The following RAB2B variants were observed in gnomAD, a reference collection of about 807,000 sequenced individuals.
The protein encoded by RAB2B is RAB2B, member RAS oncogene family.
A neutral mutation model predicts 29.8 loss-of-function variants in RAB2B; 20 were observed. That is an observed-to-expected ratio of 0.67 (90% CI 0.47 to 0.97). The LOEUF (loss-of-function observed/expected upper bound fraction) is 0.97, where lower values mean the gene tolerates loss of function less well. Ranked by LOEUF, RAB2B falls within the 50% of genes least tolerant of loss-of-function variation. The probability of loss-of-function intolerance (pLI) is 0.00; values close to 1 mark genes in which losing one functional copy is unlikely to be tolerated. For synonymous variants in RAB2B, 93 were observed against 91.7 expected, an observed-to-expected ratio of 1.01 and a Z score of -0.08; for missense variants, 218 against 272.0, an observed-to-expected ratio of 0.80 and a Z score of 1.40.
At position 21,460,499 on chromosome 14, in the gene RAB2B, T is replaced by C. The variant is rs1890519119; in HGVS notation, c.*697A>G. ...ACTCGGGAGGTTGAGGCAGGAGAACTGCTTGAACCTGGAAAGTGGAGGTTG... is the reference window on the plus strand; with the variant it reads ...ACTCGGGAGGTTGAGGCAGGAGAACCGCTTGAACCTGGAAAGTGGAGGTTG... On this transcript the variant is annotated 3_prime_UTR_variant, in exon 8 of 8. Coordinates refer to ENST00000397762, the MANE Select transcript of RAB2B (RefSeq NM_032846.4). 3.9e-6 allele frequency: 1 copy of C among 255,640 alleles called. No individual in the cohort carries two copies. The allele number at this position is 255,640 out of a possible 1,614,324, so 15.8% of individuals were successfully genotyped here.
At chr14:21,476,342 C>T in intron 2 of RAB2B, 186 bp downstream of exon 2, 4 of 611,758 alleles carry the variant, frequency 6.5e-6, no homozygotes, top group Non-Finnish European at 1.2e-5. Flanking sequence ...CAATTATATA[C>T]TCTCCCTTAC....
intron 6 of RAB2B, 125 bp from the exon 7 acceptor site, chr14:21,462,543 A>G: frequency 1.0e-6 from 1 of 954,580 alleles, no homozygotes; most frequent in Non-Finnish European, 1.5e-6. Flanking sequence ...AAGACAGTAA[A>G]AAACATAGAA....
intron 6 of RAB2B, among the ~76,000 whole-genome samples, chr14:21,462,858 C>CA (rs1363734616): frequency 2.5e-4 from 35 of 138,622 alleles, no homozygotes; most frequent in Middle Eastern, 3.4e-3. Context: ...AAAAAAAAAT[C>CA]AAAAAAGAAA....
intron 5 of RAB2B, 31 bp from the exon 6 acceptor site, chr14:21,463,798 A>G: frequency 7.2e-7 from 1 of 1,392,554 alleles, no homozygotes; most frequent in Non-Finnish European, 1.0e-6. Flanking sequence ...AGAAAATTTA[A>G]AAAAAAGATC....
chr14:21,475,851 T>C (rs1285933471), intron 2 of RAB2B, among the ~76,000 whole-genome samples: 1 of 152,196 alleles, frequency 6.6e-6, no homozygotes, highest in Non-Finnish European at 1.5e-5. Context: ...AGCAATATGG[T>C]AAGAATGGGG....
intron 6 of RAB2B, among the ~76,000 whole-genome samples, chr14:21,462,733 G>A (rs1015745267): frequency 2.6e-5 from 4 of 151,584 alleles, no homozygotes; most frequent in African/African-American, 4.9e-5. Flanking sequence ...CCAGTTACTC[G>A]GGGGCCAAGG....
chr14:21,474,893 G>A lies in RAB2B; in HGVS notation c.160C>T (p.Gln54Ter), dbSNP rs751381913. The A allele has an allele frequency of 1.2e-6, 2 of 1,613,722 alleles. No individual in the cohort carries two copies. Among genetic ancestry groups the A allele is most frequent in the Non-Finnish European group, 1.7e-6 (2 of 1,179,844 alleles). Residue 54 changes from glutamine (Q) to a stop codon, truncating the protein, a stop_gained, in exon 3 of 8, where the codon CAA becomes TAA. Coordinates refer to ENST00000397762, the MANE Select transcript of RAB2B (RefSeq NM_032846.4). LOFTEE classifies it high-confidence loss of function. ...GTATCCCAGATTTGCAGTTTGATTT[G>A]TTTTCCATCAATGTTGACCATACGA... is the stretch of plus-strand genomic sequence containing the variant. ...GARMVNIDGK[Q>*]IKLQIWDTAG...
intron 3 of RAB2B, among the ~76,000 whole-genome samples, chr14:21,470,928 T>G (rs914663435): frequency 7.1e-6 from 1 of 140,678 alleles, no homozygotes; most frequent in African/African-American, 2.7e-5. Context: ...GGCGGGCAGA[T>G]CACGAGGTCA....
At chr14:21,472,071 C>T (rs1890831354) in intron 3 of RAB2B, among the ~76,000 whole-genome samples, 1 of 152,094 alleles carries the variant, frequency 6.6e-6, no homozygotes, top group African/African-American at 2.4e-5. Context: ...AGTATCAACT[C>T]CTAGAAAGTC....
intron 6 of RAB2B, 55 bp downstream of exon 6, chr14:21,463,601 G>A (rs949615650): frequency 8.3e-7 from 1 of 1,200,494 alleles, no homozygotes; most frequent in Non-Finnish European, 1.2e-6. Flanking sequence ...TGAATACAAG[G>A]ACAAATAATG....
chr14:21,469,467 TCA>T (rs1890756883), intron 3 of RAB2B, among the ~76,000 whole-genome samples: 2 of 152,180 alleles, frequency 1.3e-5, no homozygotes. Context: ...ATCCAAATGT[TCA>T]CACTCTAATC....
intron 7 of RAB2B, among the ~76,000 whole-genome samples, chr14:21,461,896 T>G (rs1890564544): frequency 6.6e-6 from 1 of 152,180 alleles, no homozygotes; most frequent in African/African-American, 2.4e-5. Flanking sequence ...AGGGACAATG[T>G]TATACTTAAA....
chr14:21,470,622 A>G (rs1278552126), intron 3 of RAB2B, among the ~76,000 whole-genome samples: 1 of 152,212 alleles, frequency 6.6e-6, no homozygotes, highest in Non-Finnish European at 1.5e-5. Flanking sequence ...AAAAATACTT[A>G]CAGTTTTATA....
At chr14:21,473,300 T>G (rs1379886807) in intron 3 of RAB2B, among the ~76,000 whole-genome samples, 2 of 152,182 alleles carry the variant, frequency 1.3e-5, no homozygotes, top group Non-Finnish European at 2.9e-5. Context: ...GCAAAAAAAG[T>G]AAGAGATTTT....
intron 3 of RAB2B, among the ~76,000 whole-genome samples, chr14:21,470,993 C>CAAAAAAAAAAAAAAAAAAAA (rs869211285): frequency 2.0e-5 from 2 of 98,792 alleles, no homozygotes; most frequent in African/African-American, 8.6e-5. Context: ...GCTAAAAATA[C>CAAAAAAAAAAAAAAAAAAAA]AAAAAAAAAA....
At chr14:21,470,205 G>A (rs1467099857) in intron 3 of RAB2B, among the ~76,000 whole-genome samples, 2 of 151,592 alleles carry the variant, frequency 1.3e-5, no homozygotes, top group African/African-American at 2.4e-5. Context: ...CACCCGCCTC[G>A]GCCTCCCAAA....
Position 21,466,082 on chromosome 14 carries a change from A to G in RAB2B, c.362+2275T>C, listed in dbSNP as rs76930051. Among the ~76,000 whole-genome samples the G allele has an allele frequency of 3.9e-5, 6 of 152,322 alleles. No homozygotes were observed. In the East Asian group the frequency reaches 1.2e-3, roughly 29 times the overall value. Reference sequence around the variant, plus strand: ...ACAAATAATTTTATATTTAACATCTATGCCCCCACTAGACTGTAAGCTGCA... The same window carrying G: ...ACAAATAATTTTATATTTAACATCTGTGCCCCCACTAGACTGTAAGCTGCA... On this transcript the variant is annotated intron_variant, in intron 5 of 7. Transcript: ENST00000397762.
At chr14:21,461,745 C>A (rs1254320029) in intron 7 of RAB2B, among the ~76,000 whole-genome samples, 2 of 152,136 alleles carry the variant, frequency 1.3e-5, no homozygotes, top group South Asian at 2.1e-4. Context: ...CACCCCTGTG[C>A]TCATTTTAGA....
At chr14:21,470,589 T>C (rs927463574) in intron 3 of RAB2B, among the ~76,000 whole-genome samples, 48 of 152,324 alleles carry the variant, frequency 3.2e-4, no homozygotes, top group African/African-American at 1.1e-3. Flanking sequence ...CCTGTCATAA[T>C]ACTAATAATA....
Sources: gnomAD v4.1 joint callset for allele counts (sites outside exome capture counted in the v4.1 genomes callset) on GRCh38, gnomAD v4.1.1 for gene constraint, MANE v1.5 for transcripts, NCBI Gene and HGNC (gene_info 2026-07-23, HGNC 2026-07-21) for gene names.